Variants in MTUS2 observed in about 807,000 individuals in gnomAD.
The protein encoded by MTUS2 is microtubule associated scaffold protein 2.
Under a neutral mutation model 114.1 loss-of-function variants are expected in MTUS2, and 40 were observed. The observed-to-expected ratio is 0.35, with a 90% CI of 0.27 to 0.46. The LOEUF is 0.46. MTUS2 is among the 20% of genes least tolerant of loss of function. The pLI is 1.00. For missense variants in MTUS2, 1,679 were observed against 1,705.4 expected, an observed-to-expected ratio of 0.98 and a Z score of 0.27; for synonymous variants, 688 against 672.0, an observed-to-expected ratio of 1.02 and a Z score of -0.37.
At chr13:29,388,158 G>C (rs1872758927) in intron 8 of MTUS2, among the ~76,000 whole-genome samples, 2 of 152,126 alleles carry the variant, frequency 1.3e-5, no homozygotes. Context: ...CCAGGATGGG[G>C]AGGTTGTAAC....
chr13:29,228,661 A>G (rs1896206683), intron 5 of MTUS2, among the ~76,000 whole-genome samples: 1 of 152,118 alleles, frequency 6.6e-6, no homozygotes, highest in Non-Finnish European at 1.5e-5. Flanking sequence ...TATTAGCATG[A>G]GGAACTAAGT....
intron 2 of MTUS2, among the ~76,000 whole-genome samples, chr13:28,929,133 A>G (rs1881481703): frequency 6.9e-6 from 1 of 144,936 alleles, no homozygotes; most frequent in Non-Finnish European, 1.5e-5. Context: ...GAAGGTAAAT[A>G]GTAGATTGGT....
At chr13:29,153,632 G>A (rs1297993264) in intron 5 of MTUS2, among the ~76,000 whole-genome samples, 1 of 152,072 alleles carries the variant, frequency 6.6e-6, no homozygotes, top group Non-Finnish European at 1.5e-5. Flanking sequence ...CATGCTATGG[G>A]CTCAATTACA....
At chr13:29,291,209 C>A (rs78274607) in intron 6 of MTUS2, among the ~76,000 whole-genome samples, 2,294 of 152,156 alleles carry the variant, frequency 0.015, 58 homozygotes, top group African/African-American at 0.05. Flanking sequence ...CAGCCCCCAG[C>A]GCACCTCTCT....
intron 5 of MTUS2, among the ~76,000 whole-genome samples, chr13:29,229,413 T>C (rs956708254): frequency 1.3e-5 from 2 of 152,200 alleles, no homozygotes; most frequent in African/African-American, 4.8e-5. Flanking sequence ...TTTTAATATG[T>C]ACGATACTAA....
chr13:29,440,564 A>C, intron 9 of MTUS2, among the ~76,000 whole-genome samples: 1 of 152,198 alleles, frequency 6.6e-6, no homozygotes, highest in African/African-American at 2.4e-5. Flanking sequence ...AAATAAAATG[A>C]TCCCCAAACC....
intron 3 of MTUS2, among the ~76,000 whole-genome samples, chr13:29,031,200 G>T (rs1360063170): frequency 6.9e-6 from 1 of 144,002 alleles, no homozygotes; most frequent in Non-Finnish European, 1.5e-5. Flanking sequence ...GGGGGGCACT[G>T]CATCGATTGG....
At chr13:28,870,496 T>C (rs1405837589) in intron 2 of MTUS2, among the ~76,000 whole-genome samples, 1 of 152,174 alleles carries the variant, frequency 6.6e-6, no homozygotes, top group African/African-American at 2.4e-5. Flanking sequence ...GGTTGGCCCA[T>C]TCCCCATCTC....
At chr13:29,493,645 A>G (rs1223782254) in intron 12 of MTUS2, among the ~76,000 whole-genome samples, 4 of 152,164 alleles carry the variant, frequency 2.6e-5, no homozygotes, top group African/African-American at 9.7e-5. Flanking sequence ...GTACTCTTCA[A>G]AAACTAAAAT....
intron 5 of MTUS2, among the ~76,000 whole-genome samples, chr13:29,229,681 G>C (rs2139354689): frequency 6.6e-6 from 1 of 152,228 alleles, no homozygotes; most frequent in South Asian, 2.1e-4. Context: ...TCAGATACAG[G>C]AATCTTTTCT....
intron 15 of MTUS2, among the ~76,000 whole-genome samples, chr13:29,502,333 T>G (rs1283031256): frequency 6.6e-6 from 1 of 152,262 alleles, no homozygotes; most frequent in Admixed American, 6.5e-5. Flanking sequence ...CAATTCGGAT[T>G]CATTTTTTCA....
chr13:29,209,338 G>C (rs563824373), intron 5 of MTUS2, among the ~76,000 whole-genome samples: 1 of 152,256 alleles, frequency 6.6e-6, no homozygotes, highest in South Asian at 2.1e-4. Flanking sequence ...TGAGTCTCTT[G>C]AAGAGAGCAG....
At chr13:29,065,708 G>C (rs757372959) in intron 4 of MTUS2, among the ~76,000 whole-genome samples, 3 of 152,170 alleles carry the variant, frequency 2.0e-5, no homozygotes, top group Non-Finnish European at 4.4e-5. Context: ...TGGAGAGGCT[G>C]TGCAGTCTCC....
chr13:29,157,015 C>T (rs1892889883), intron 5 of MTUS2, among the ~76,000 whole-genome samples: 1 of 152,152 alleles, frequency 6.6e-6, no homozygotes, highest in Non-Finnish European at 1.5e-5. Context: ...CTGTATTCTC[C>T]TGTAACTCGT....
intron 2 of MTUS2, among the ~76,000 whole-genome samples, chr13:28,899,549 A>G (rs1879507063): frequency 6.6e-6 from 1 of 152,050 alleles, no homozygotes. Flanking sequence ...AGCTGGGACT[A>G]CAGGCGCCCA....
chr13:28,899,810 GAACCTGCT>G (rs1226217674), intron 2 of MTUS2, among the ~76,000 whole-genome samples: 1 of 152,156 alleles, frequency 6.6e-6, no homozygotes, highest in Non-Finnish European at 1.5e-5. Context: ...TGGAGTCTCT[GAACCTGCT>G]AACGTTTTGG....
intron 5 of MTUS2, among the ~76,000 whole-genome samples, chr13:29,187,959 C>T (rs1229556691): frequency 1.3e-4 from 20 of 152,300 alleles, no homozygotes; most frequent in East Asian, 5.8e-4. Flanking sequence ...AAGTTCTTGA[C>T]GGCAGATATC....
At chr13:29,234,402 T>C (rs1384819635) in intron 5 of MTUS2, among the ~76,000 whole-genome samples, 3 of 152,218 alleles carry the variant, frequency 2.0e-5, no homozygotes, top group Non-Finnish European at 4.4e-5. Context: ...TTCTGCAGCA[T>C]AATATGACCT....
intron 2 of MTUS2, among the ~76,000 whole-genome samples, chr13:28,929,449 G>A (rs1208125108): frequency 1.3e-5 from 2 of 152,050 alleles, no homozygotes; most frequent in Admixed American, 6.5e-5. Flanking sequence ...CATCTATTAT[G>A]TATCAATAAA....
Sources: gnomAD v4.1 joint callset for allele counts (sites outside exome capture counted in the v4.1 genomes callset) on GRCh38, gnomAD v4.1.1 for gene constraint, MANE v1.5 for transcripts, NCBI Gene and HGNC (gene_info 2026-07-23, HGNC 2026-07-21) for gene names.